The following CCNE2 variants were observed in gnomAD, a reference collection of about 807,000 sequenced individuals.
The protein encoded by CCNE2 is cyclin E2, also known as G1/S-specific cyclin-E2.
In CCNE2, 18 loss-of-function variants were observed where a neutral mutation model predicts 56.8. That is an observed-to-expected ratio of 0.32 (90% confidence interval 0.22 to 0.47). CCNE2 has a LOEUF of 0.47. Ranked by LOEUF, CCNE2 falls within the 20% of genes least tolerant of loss-of-function variation. CCNE2 has a pLI of 1.00. For synonymous variants in CCNE2, 139 were observed against 149.2 expected (o/e 0.93, Z 0.50); for missense variants, 371 against 467.1 (o/e 0.79, Z 1.90).
In CCNE2 at chr8:94,892,960, G is replaced by A; in HGVS notation, c.175C>T (p.Pro59Ser). 6.5e-7 allele frequency: 1 copy of A among 1,530,506 alleles called. No homozygotes were observed. Among genetic ancestry groups the A allele is most frequent in the Non-Finnish European group, 8.7e-7 (1 of 1,152,098 alleles). The allele number at this position is 1,530,506 out of a possible 1,614,324, so 94.8% of individuals were successfully genotyped here. ...KHQYEIRNCWPPVLSGGISPC... is the reference protein window; with the variant it reads ...KHQYEIRNCWSPVLSGGISPC... The stretch of plus-strand genomic sequence containing the variant: ...CTGATCCCCCCAGATAATACAGGTG[G>A]CCAACAATTCTGTCATAAAAAAAAA... The change falls in exon 5 of 12, where the codon CCA (proline) becomes TCA (serine). Residue 59 changes from proline to serine, a missense_variant. Pro to Ser is a moderately conservative substitution (Grantham distance 74, BLOSUM62 -1). Transcript: ENST00000308108.
chr8:94,892,067 A>C, intron 5 of CCNE2: 1 of 690,042 alleles, frequency 1.4e-6, no homozygotes, highest in South Asian at 1.4e-5. Flanking sequence ...AAGATATCCC[A>C]GAAGAAACTG....
At chr8:94,884,009 C>T in intron 9 of CCNE2, 1 of 435,348 alleles carries the variant, frequency 2.3e-6, no homozygotes, top group Admixed American at 2.4e-5. Flanking sequence ...CCATCACTAT[C>T]AGAAGGGTAT....
chr8:94,891,902 T>C, intron 5 of CCNE2: 1 of 1,366,644 alleles, frequency 7.3e-7, no homozygotes, highest in Non-Finnish European at 1.0e-6. Flanking sequence ...ATTGAGCATC[T>C]CCAAGTGAAC....
intron 1 of CCNE2, chr8:94,894,741 T>A (rs1050405159): frequency 1.3e-5 from 2 of 152,964 alleles, no homozygotes; most frequent in African/African-American, 4.8e-5. Context: ...CGGCCTCCAG[T>A]CTCCTTTCCC....
At position 94,895,185 on chromosome 8, in the gene CCNE2, C is replaced by T; in HGVS notation, c.-35G>A. The T allele has an allele frequency of 1.0e-6, 1 of 986,038 alleles. No homozygotes were observed. Among genetic ancestry groups the T allele is most frequent in the Non-Finnish European group, 1.2e-6 (1 of 830,472 alleles). 61.1% of individuals were successfully genotyped at this position (986,038 alleles called of 1,614,324 possible). On this transcript the variant is annotated 5_prime_UTR_variant, in exon 1 of 12. Transcript: ENST00000308108. Reference sequence around the variant, plus strand: ...GCGCAGCAACTCCTCACCGCCAGACCAGCTACCGCTCGGCTCAGCTGGCGC... The same window carrying T: ...GCGCAGCAACTCCTCACCGCCAGACTAGCTACCGCTCGGCTCAGCTGGCGC...
intron 5 of CCNE2, chr8:94,892,156 C>G: frequency 1.9e-6 from 1 of 520,434 alleles, no homozygotes. Context: ...AATGTTTTCT[C>G]AAGAGCAATA....
At chr8:94,884,320 CAAGA>C (rs967487606) in intron 9 of CCNE2, among the ~76,000 whole-genome samples, 3 of 149,172 alleles carry the variant, frequency 2.0e-5, no homozygotes, top group African/African-American at 7.4e-5. Flanking sequence ...GAGAAGTAAG[CAAGA>C]AAGAATGGGA....
intron 7 of CCNE2, among the ~76,000 whole-genome samples, chr8:94,885,779 T>C (rs1013745865): frequency 1.4e-4 from 20 of 144,698 alleles, no homozygotes; most frequent in Admixed American, 2.2e-4. Flanking sequence ...AGTGCAGTGG[T>C]GCAATCTTGG....
At chr8:94,885,855 GTT>G (rs1817018972) in intron 7 of CCNE2, among the ~76,000 whole-genome samples, 1 of 151,462 alleles carries the variant, frequency 6.6e-6, no homozygotes, top group Non-Finnish European at 1.5e-5. Flanking sequence ...AGTAGCTGGG[GTT>G]ACAGGTGTGT....
intron 4 of CCNE2, 65 bp downstream of exon 4, chr8:94,893,826 A>G: frequency 3.4e-6 from 5 of 1,459,320 alleles, no homozygotes; most frequent in Non-Finnish European, 4.8e-6. Flanking sequence ...TAAACACATA[A>G]TTCTATTCTT....
Position 94,885,187 on chromosome 8 carries a change from T to C in CCNE2, c.711A>G (p.Glu237=). The C allele has an allele frequency of 3.7e-6, 6 of 1,613,678 alleles. No homozygotes were observed. The highest frequency in any genetic ancestry group is 5.1e-6 in the Non-Finnish European group (6 of 1,179,750). ...AGGAGATGATTGTTACAGGACAAAG[T>C]TCCCATTTTAAAGCCTATTAAACAA... The part of the protein sequence containing the change: ...ELIILKALKW[E]LCPVTIISWL... The change falls in exon 9 of 12, where the codon GAA becomes GAG. Residue 237 remains glutamate (E), a synonymous_variant. Coordinates refer to ENST00000308108, the MANE Select transcript of CCNE2 (RefSeq NM_057749.3).
chr8:94,886,628 G>T (rs1408379458), intron 7 of CCNE2, among the ~76,000 whole-genome samples: 1 of 152,194 alleles, frequency 6.6e-6, no homozygotes, highest in Non-Finnish European at 1.5e-5. Flanking sequence ...TGTAGCCTCG[G>T]AGGTCGAGGC....
chr8:94,896,296 C>A (rs1383834509), upstream of CCNE2, among the ~76,000 whole-genome samples: 1 of 148,480 alleles, frequency 6.7e-6, no homozygotes, highest in South Asian at 2.1e-4. Flanking sequence ...GCGCGCCCTG[C>A]GGAGCCCGCG....
In CCNE2 at chr8:94,885,727, CT is replaced by C. The variant is rs747420459; in HGVS notation, c.601-170del. ...CAAAGACAAAAAGTACATTTTCTTT[CT>C]TTTTTTTTTTTTTTTTTTTTGAGGC... On this transcript the variant is annotated intron_variant, in intron 7 of 11. Transcript: ENST00000308108. 3.3e-3 allele frequency among the ~76,000 whole-genome samples: 380 copies of C among 114,150 alleles called. 2 individuals are homozygous for C. The highest frequency in any genetic ancestry group is 7.2e-3 in the African/African-American group (219 of 30,444). 74.9% of individuals were successfully genotyped at this position (114,150 alleles called of 152,430 possible).
intron 9 of CCNE2, 60 bp downstream of exon 9, chr8:94,885,007 T>C: frequency 1.4e-6 from 2 of 1,480,532 alleles, no homozygotes; most frequent in Non-Finnish European, 1.9e-6. Flanking sequence ...TTTAAGACTA[T>C]ATATACACTA....
At chr8:94,883,736 A>G (rs1312791945) in intron 9 of CCNE2, 3 of 295,478 alleles carry the variant, frequency 1.0e-5, no homozygotes, top group African/African-American at 6.4e-5. Context: ...AAACATGTTT[A>G]TTAAGCAGTG....
intron 9 of CCNE2, 59 bp downstream of exon 9, chr8:94,885,004 CTATA>C: frequency 1.4e-6 from 2 of 1,456,906 alleles, no homozygotes; most frequent in Non-Finnish European, 1.9e-6. Flanking sequence ...CTATTTAAGA[CTATA>C]TATACACTAA....
chr8:94,895,608 G>T, upstream of CCNE2, among the ~76,000 whole-genome samples: 1 of 152,222 alleles, frequency 6.6e-6, no homozygotes, highest in East Asian at 1.9e-4. Flanking sequence ...CGACCATAGG[G>T]TGGCTGGGAA....
In CCNE2 at chr8:94,885,141, C is replaced by T; in HGVS notation, c.757G>A (p.Val253Ile). 6.2e-7 allele frequency: 1 copy of T among 1,613,524 alleles called. No individual in the cohort carries two copies. Among genetic ancestry groups the T allele is most frequent in the Non-Finnish European group, 8.5e-7 (1 of 1,179,596 alleles). The change falls in exon 9 of 12, where the codon GTT becomes ATT. Residue 253 changes from valine to isoleucine, a missense_variant. Physicochemically the swap from Val to Ile is conservative, Grantham distance 29. Coordinates refer to ENST00000308108, the MANE Select transcript of CCNE2 (RefSeq NM_057749.3). ...IISWLNLFLQ[V>I]DALKDAPKVL... Reference sequence around the variant, plus strand: ...TTAGGAGCATCTTTAAGAGCATCAACTTGGAGAAAGAGATTTAGCCAGGAG... The same window carrying T: ...TTAGGAGCATCTTTAAGAGCATCAATTTGGAGAAAGAGATTTAGCCAGGAG...
Sources: allele counts gnomAD v4.1 joint callset (sites outside exome capture counted in the v4.1 genomes callset), GRCh38; gene constraint gnomAD v4.1.1; transcripts MANE v1.5; gene names NCBI Gene and HGNC (gene_info 2026-07-23, HGNC 2026-07-21).